Variants in FOXN3 observed in about 807,000 individuals in gnomAD.
The protein encoded by FOXN3 is forkhead box N3, also known as forkhead box protein N3.
Under a neutral mutation model 38.4 loss-of-function variants are expected in FOXN3, and 7 were observed. The observed-to-expected ratio is 0.18, with a 90% CI of 0.10 to 0.34. FOXN3 has a LOEUF of 0.34. FOXN3 is among the 10% of genes least tolerant of loss of function. The pLI, the probability that FOXN3 is intolerant of heterozygous loss-of-function variation, is 1.00. For missense variants in FOXN3, 456 were observed against 613.4 expected (o/e 0.74, Z 2.71); for synonymous variants, 230 against 242.2 (o/e 0.95, Z 0.47).
chr14:89,271,235 T>C (rs1265045392), intron 4 of FOXN3, among the ~76,000 whole-genome samples: 1 of 152,228 alleles, frequency 6.6e-6, no homozygotes, highest in Non-Finnish European at 1.5e-5. Flanking sequence ...TCAGAATATA[T>C]TCTAAAGAGT....
At chr14:89,190,480 T>G in intron 4 of FOXN3, 1 of 1,584,298 alleles carries the variant, frequency 6.3e-7, no homozygotes, top group Non-Finnish European at 8.7e-7. Flanking sequence ...ATAACATTAT[T>G]TACAACGGGG....
At chr14:89,538,943 A>G (rs976330156) in intron 1 of FOXN3, among the ~76,000 whole-genome samples, 23 of 151,928 alleles carry the variant, frequency 1.5e-4, no homozygotes, top group African/African-American at 5.3e-4. Flanking sequence ...CCATGGGTTC[A>G]AGCGATTCTC....
chr14:89,482,062 T>C (rs1893342925), intron 1 of FOXN3, among the ~76,000 whole-genome samples: 1 of 152,246 alleles, frequency 6.6e-6, no homozygotes. Flanking sequence ...TACAATTTGT[T>C]ACTCCTTTTA....
intron 1 of FOXN3, chr14:89,494,187 A>G (rs1893635364): frequency 6.6e-6 from 1 of 152,132 alleles, no homozygotes; most frequent in Non-Finnish European, 1.5e-5. Context: ...GCAAGCTACT[A>G]TTTCTGCAAC....
At chr14:89,534,106 T>A (rs1364190332) in intron 1 of FOXN3, among the ~76,000 whole-genome samples, 1 of 98,594 alleles carries the variant, frequency 1.0e-5, no homozygotes, top group Non-Finnish European at 2.6e-5. Flanking sequence ...CATTCTTTTT[T>A]TTTTTTTTTT....
At chr14:89,379,988 T>C (rs965988064) in intron 2 of FOXN3, among the ~76,000 whole-genome samples, 2 of 152,182 alleles carry the variant, frequency 1.3e-5, no homozygotes, top group Non-Finnish European at 1.5e-5. Flanking sequence ...AGAATAACAG[T>C]ACCTTTTCCC....
At chr14:89,452,015 A>G (rs183471900) in intron 1 of FOXN3, among the ~76,000 whole-genome samples, 36 of 152,162 alleles carry the variant, frequency 2.4e-4, no homozygotes, top group Non-Finnish European at 4.4e-4. Flanking sequence ...AAGGAACCAC[A>G]ACCTAAAAGT....
At chr14:89,418,786 G>T (rs1280208145), upstream of FOXN3, among the ~76,000 whole-genome samples, 1 of 152,148 alleles carries the variant, frequency 6.6e-6, no homozygotes, top group African/African-American at 2.4e-5. Flanking sequence ...GCTAATGCAG[G>T]TCCTGCCCCT....
chr14:89,573,657 T>C (rs776483498), intron 1 of FOXN3, among the ~76,000 whole-genome samples: 46 of 152,204 alleles, frequency 3.0e-4, no homozygotes, highest in Non-Finnish European at 5.3e-4. Flanking sequence ...ACATAGACAA[T>C]ACCTGAGCCC....
At chr14:89,278,987 C>T (rs1886382179) in intron 4 of FOXN3, among the ~76,000 whole-genome samples, 1 of 151,986 alleles carries the variant, frequency 6.6e-6, no homozygotes, top group Non-Finnish European at 1.5e-5. Flanking sequence ...CCAGAACCAC[C>T]CACCAAAGGA....
intron 3 of FOXN3, among the ~76,000 whole-genome samples, chr14:89,347,529 G>A (rs1280405835): frequency 6.6e-6 from 1 of 152,196 alleles, no homozygotes; most frequent in African/African-American, 2.4e-5. Flanking sequence ...AGTTTCTGTT[G>A]TTTAAGTCAC....
intron 5 of FOXN3, among the ~76,000 whole-genome samples, chr14:89,166,295 A>G (rs1319381271): frequency 3.9e-5 from 6 of 152,176 alleles, no homozygotes; most frequent in African/African-American, 1.4e-4. Context: ...ATCCAAATGG[A>G]AACTTTCTTC....
intron 1 of FOXN3, among the ~76,000 whole-genome samples, chr14:89,602,288 CAA>C (rs111592437): frequency 7.5e-6 from 1 of 133,688 alleles, no homozygotes; most frequent in Non-Finnish European, 1.6e-5. Flanking sequence ...GACTTTGTGT[CAA>C]AAAAAAAAAC....
chr14:89,176,354 CTG>C (rs1216427885), intron 5 of FOXN3, among the ~76,000 whole-genome samples: 2 of 147,652 alleles, frequency 1.4e-5, no homozygotes, highest in Non-Finnish European at 3.1e-5. Flanking sequence ...CTTTGCCACT[CTG>C]TGGAGGAAAA....
rs1030880929 is a variant in FOXN3, at chr14:89,159,229, T to A, written c.*3185A>T. The A allele has an allele frequency of 1.3e-5, 2 of 152,758 alleles. No homozygotes were observed. Among genetic ancestry groups the A allele is most frequent in the Non-Finnish European group, 2.9e-5 (2 of 68,042 alleles). 9.5% of individuals were successfully genotyped at this position (152,758 alleles called of 1,614,324 possible). A position where few individuals can be genotyped will look rare whatever the true frequency, so the allele number is the denominator to read the frequency against. On this transcript the variant is annotated 3_prime_UTR_variant, in exon 6 of 6. Coordinates refer to ENST00000557258, the MANE Select transcript of FOXN3 (RefSeq NM_005197.4). ...TCACTACAAACAGCCACATACACAT[T>A]GATACTTTTTGTTTTTGTTCTCAAC...
rs532857664 is a variant in FOXN3 at position 89,611,633 on chromosome 14, C to T, written c.-15+7395G>A. 2.5e-4 allele frequency among the ~76,000 whole-genome samples: 38 copies of T among 152,040 alleles called. 1 individual carries two copies. Among genetic ancestry groups the T allele is most frequent in the South Asian group, 1.5e-3 (7 of 4,824 alleles). On this transcript the variant is annotated intron_variant, in intron 1 of 6. Coordinates refer to the FOXN3 transcript ENST00000345097. ...CATCCTGGTTAACACGGTGAAACCCCGTCTCTACTAAAAATACAAAAAATT... is the reference window on the plus strand; with the variant it reads ...CATCCTGGTTAACACGGTGAAACCCTGTCTCTACTAAAAATACAAAAAATT...
chr14:89,463,784 C>CT lies in FOXN3; in HGVS notation c.-14-51295dup, dbSNP rs33993052. 3.1e-3 allele frequency among the ~76,000 whole-genome samples: 433 copies of CT among 138,660 alleles called. 1 individual carries two copies. The highest frequency in any genetic ancestry group is 7.3e-3 in the African/African-American group (272 of 37,290). The allele number at this position is 138,660 out of a possible 152,430, so 91.0% of individuals were successfully genotyped here. On this transcript the variant is annotated intron_variant, in intron 1 of 6. Transcript: ENST00000345097. ...TATGCAGGGGTAGTGGTCTCTCTCT[C>CT]TTTTTTTTTTTTTTTTTGAGATGGA...
Position 89,425,361 on chromosome 14 carries a change from G to A in FOXN3, c.-14-12871C>T, listed in dbSNP as rs375969293. 4.8e-4 allele frequency among the ~76,000 whole-genome samples: 72 copies of A among 151,152 alleles called. 1 individual carries two copies. The highest frequency in any genetic ancestry group is 1.5e-3 in the African/African-American group (63 of 41,132). The stretch of plus-strand genomic sequence containing the variant: ...TGGGATTACAGGCATGAGCCACTGC[G>A]CCTGGCCTGTTTTGTTTTGTTTTTG... On this transcript the variant is annotated intron_variant, in intron 1 of 6. Coordinates refer to the FOXN3 transcript ENST00000345097.
At chr14:89,334,024 T>TAC (rs1174306028) in intron 3 of FOXN3, among the ~76,000 whole-genome samples, 1 of 48,052 alleles carries the variant, frequency 2.1e-5, no homozygotes, top group African/African-American at 7.2e-5. Flanking sequence ...ATAAATGTGG[T>TAC]ATACACACAC....
Sources: gnomAD v4.1 joint callset for allele counts (sites outside exome capture counted in the v4.1 genomes callset) on GRCh38, gnomAD v4.1.1 for gene constraint, MANE v1.5 for transcripts, NCBI Gene and HGNC (gene_info 2026-07-23, HGNC 2026-07-21) for gene names.